PDLIM5: variants seen among roughly 807,000 people sequenced by gnomAD.
PDLIM5 encodes the protein PDZ and LIM domain 5, also known as PDZ and LIM domain protein 5.
In PDLIM5, 34 loss-of-function variants were observed where a neutral mutation model predicts 64.2. That is an observed-to-expected ratio of 0.53 (90% CI 0.40 to 0.71). PDLIM5 has a LOEUF of 0.71. PDLIM5 is among the 30% of genes least tolerant of loss of function. The pLI is 0.00. For missense variants in PDLIM5, 683 were observed against 733.6 expected (o/e 0.93, Z 0.80); for synonymous variants, 253 against 269.1 (o/e 0.94, Z 0.59).
intron 7 of PDLIM5, among the ~76,000 whole-genome samples, chr4:94,598,854 G>T (rs1373258356): frequency 2.0e-5 from 3 of 152,080 alleles, no homozygotes; most frequent in Non-Finnish European, 4.4e-5. Flanking sequence ...AAATGTGAGT[G>T]CCCTGAAAGA....
At position 94,667,767 on chromosome 4, in the gene PDLIM5, T is replaced by C. The variant is rs1463216569; in HGVS notation, c.*3700T>C. 6.6e-6 allele frequency: 1 copy of C among 152,220 alleles called. No individual in the cohort carries two copies. Among genetic ancestry groups the C allele is most frequent in the Non-Finnish European group, 1.5e-5 (1 of 68,036 alleles). The allele number at this position is 152,220 out of a possible 1,614,324, so 9.4% of individuals were successfully genotyped here. On this transcript the variant is annotated 3_prime_UTR_variant, in exon 13 of 13. Transcript: ENST00000317968. Reference sequence around the variant, plus strand: ...TCTTCAAAATATTACTATAGCATTATGTTTAAAATAATCTACAACAAAAAT... The same window carrying C: ...TCTTCAAAATATTACTATAGCATTACGTTTAAAATAATCTACAACAAAAAT...
intron 2 of PDLIM5, among the ~76,000 whole-genome samples, chr4:94,462,793 C>T (rs1659197839): frequency 6.6e-6 from 1 of 152,152 alleles, no homozygotes; most frequent in Non-Finnish European, 1.5e-5. Flanking sequence ...TTCCCCATAC[C>T]TATGCTAGCC....
chr4:94,607,478 G>A (rs954106154), intron 7 of PDLIM5, among the ~76,000 whole-genome samples: 6 of 151,932 alleles, frequency 3.9e-5, no homozygotes, highest in Non-Finnish European at 1.5e-5. Flanking sequence ...AAAACCCTAC[G>A]ATTGCATGCC....
intron 2 of PDLIM5, among the ~76,000 whole-genome samples, chr4:94,490,632 G>A (rs1174248429): frequency 6.6e-6 from 1 of 152,088 alleles, no homozygotes; most frequent in Non-Finnish European, 1.5e-5. Flanking sequence ...GTATTAAAAT[G>A]AGTCAGCATT....
intron 3 of PDLIM5, among the ~76,000 whole-genome samples, chr4:94,530,015 A>G (rs1198103807): frequency 6.6e-6 from 1 of 152,182 alleles, no homozygotes; most frequent in African/African-American, 2.4e-5. Context: ...TATTAACTGT[A>G]TTAGAACTGG....
At chr4:94,627,936 A>G (rs1439585632) in intron 8 of PDLIM5, among the ~76,000 whole-genome samples, 3 of 152,316 alleles carry the variant, frequency 2.0e-5, no homozygotes, top group South Asian at 2.1e-4. Context: ...CCTTAAATGT[A>G]TCTTCCACAC....
intron 10 of PDLIM5, chr4:94,656,940 T>C (rs1436964879): frequency 6.6e-6 from 1 of 152,068 alleles, no homozygotes; most frequent in Non-Finnish European, 1.5e-5. Flanking sequence ...GGCCCCATTA[T>C]GTTTTGTTAT....
intron 2 of PDLIM5, among the ~76,000 whole-genome samples, chr4:94,462,165 A>G (rs1438115747): frequency 6.6e-6 from 1 of 152,086 alleles, no homozygotes; most frequent in African/African-American, 2.4e-5. Context: ...ACCCAGCTTA[A>G]TTTTCTTTAG....
At chr4:94,625,654 C>T (rs989916542) in intron 8 of PDLIM5, among the ~76,000 whole-genome samples, 1 of 151,976 alleles carries the variant, frequency 6.6e-6, no homozygotes, top group African/African-American at 2.4e-5. Context: ...GGGGTTTCAC[C>T]GTGTTAGCCA....
intron 3 of PDLIM5, among the ~76,000 whole-genome samples, chr4:94,537,187 C>T (rs1165772131): frequency 1.3e-5 from 2 of 152,148 alleles, no homozygotes; most frequent in African/African-American, 2.4e-5. Flanking sequence ...TTCATTTCCA[C>T]ATCACAGTAA....
chr4:94,514,989 T>C (rs1418559512), intron 2 of PDLIM5, among the ~76,000 whole-genome samples: 2 of 152,250 alleles, frequency 1.3e-5, no homozygotes, highest in Non-Finnish European at 2.9e-5. Flanking sequence ...ATATTATTCA[T>C]CACTTTATGT....
intron 2 of PDLIM5, among the ~76,000 whole-genome samples, chr4:94,489,357 G>T (rs1040700893): frequency 1.3e-5 from 2 of 152,006 alleles, no homozygotes; most frequent in Non-Finnish European, 2.9e-5. Flanking sequence ...GCATATACAT[G>T]TATATTATAC....
At chr4:94,616,249 AT>A (rs1192122330) in intron 7 of PDLIM5, among the ~76,000 whole-genome samples, 4 of 152,226 alleles carry the variant, frequency 2.6e-5, no homozygotes, top group Non-Finnish European at 5.9e-5. Flanking sequence ...CTATATAAGT[AT>A]TTCAAAAATC....
chr4:94,575,566 T>C, intron 4 of PDLIM5, 50 bp from the exon 5 acceptor site: 1 of 1,221,592 alleles, frequency 8.2e-7, no homozygotes, highest in Non-Finnish European at 1.2e-6. Flanking sequence ...GAAATATATT[T>C]TGCATGTGTT....
At chr4:94,609,678 G>A (rs116051486) in intron 7 of PDLIM5, among the ~76,000 whole-genome samples, 1,666 of 152,132 alleles carry the variant, frequency 0.011, 39 homozygotes, top group African/African-American at 0.038. Context: ...AGTCTGTTGT[G>A]CCTGCTTCTC....
At chr4:94,491,327 T>C (rs1177613390) in intron 2 of PDLIM5, among the ~76,000 whole-genome samples, 1 of 152,180 alleles carries the variant, frequency 6.6e-6, no homozygotes, top group Non-Finnish European at 1.5e-5. Context: ...CTGACATTGA[T>C]TATCCTTATC....
intron 7 of PDLIM5, among the ~76,000 whole-genome samples, chr4:94,612,809 A>T (rs994629063): frequency 2.0e-5 from 3 of 152,066 alleles, no homozygotes; most frequent in African/African-American, 7.2e-5. Flanking sequence ...AGTAATCATA[A>T]AATGTGTCAG....
rs570946048 is a variant in PDLIM5, at chr4:94,624,718, T to A, written c.1108+6527T>A. On this transcript the variant is annotated intron_variant, in intron 8 of 12. Transcript: ENST00000317968. Reference sequence around the variant, plus strand: ...GCCGATTTGGAGAGGGAGCAACATATGCAAAAACTGAGAGAATTTGGCTTC... The same window carrying A: ...GCCGATTTGGAGAGGGAGCAACATAAGCAAAAACTGAGAGAATTTGGCTTC... 6.6e-5 allele frequency among the ~76,000 whole-genome samples: 10 copies of A among 152,274 alleles called. No individual in the cohort carries two copies. The South Asian group carries it at 2.1e-3, about 32-fold the overall frequency.
intron 3 of PDLIM5, among the ~76,000 whole-genome samples, chr4:94,569,679 A>C (rs2110267353): frequency 6.6e-6 from 1 of 152,272 alleles, no homozygotes. Context: ...ATGACACCTA[A>C]ATCATGAGAT....
Sources: allele counts gnomAD v4.1 joint callset (sites outside exome capture counted in the v4.1 genomes callset), GRCh38; gene constraint gnomAD v4.1.1; transcripts MANE v1.5; gene names NCBI Gene and HGNC (gene_info 2026-07-23, HGNC 2026-07-21).